Variants in ARMC9 observed in about 807,000 individuals in gnomAD.
ARMC9 encodes armadillo repeat containing 9.
In ARMC9, 94 loss-of-function variants were observed where a neutral mutation model predicts 107.0. The observed-to-expected ratio is 0.88, with a 90% CI of 0.74 to 1.04. The LOEUF is 1.04. ARMC9 is among the 50% of genes least tolerant of loss of function. The pLI is 0.00. For synonymous variants in ARMC9, 380 were observed against 396.9 expected, an observed-to-expected ratio of 0.96 and a Z score of 0.51; for missense variants, 942 against 1,030.1, an observed-to-expected ratio of 0.91 and a Z score of 1.17.
chr2:231,283,887 C>T, intron 17 of ARMC9, among the ~76,000 whole-genome samples: 1 of 152,166 alleles, frequency 6.6e-6, no homozygotes. Flanking sequence ...TGTGCGCCAT[C>T]ACACCTAGCT....
At chr2:231,245,344 G>A (rs1333187516) in intron 9 of ARMC9, among the ~76,000 whole-genome samples, 2 of 152,304 alleles carry the variant, frequency 1.3e-5, no homozygotes, top group African/African-American at 4.8e-5. Flanking sequence ...CGCAAGTCAC[G>A]CGGGTGTGTT....
intron 9 of ARMC9, 99 bp downstream of exon 9, chr2:231,240,140 G>A: frequency 9.6e-7 from 1 of 1,036,692 alleles, no homozygotes. Context: ...ACATGCAAGA[G>A]GCTGCATTTA....
intron 12 of ARMC9, among the ~76,000 whole-genome samples, chr2:231,270,032 T>C (rs2039189381): frequency 6.6e-6 from 1 of 152,088 alleles, no homozygotes; most frequent in South Asian, 2.1e-4. Context: ...CAGGGGGATC[T>C]GGGTGGGCCG....
At chr2:231,200,352 T>C (rs1034329543) in intron 1 of ARMC9, among the ~76,000 whole-genome samples, 4 of 152,338 alleles carry the variant, frequency 2.6e-5, no homozygotes, top group South Asian at 4.1e-4. Flanking sequence ...TCTGGGGATA[T>C]GAAGTTGAAA....
intron 11 of ARMC9, among the ~76,000 whole-genome samples, chr2:231,259,846 AT>A (rs1310580379): frequency 3.3e-5 from 5 of 152,090 alleles, no homozygotes; most frequent in African/African-American, 1.2e-4. Flanking sequence ...TACAAAAAAA[AT>A]TAGCCAGGCA....
chr2:231,315,108 G>A (rs540966070), intron 19 of ARMC9, among the ~76,000 whole-genome samples: 4 of 151,822 alleles, frequency 2.6e-5, no homozygotes, highest in Non-Finnish European at 5.9e-5. Context: ...GTGTGGTGGT[G>A]CATGCCTGTA....
chr2:231,200,957 G>A (rs1182363499), intron 1 of ARMC9, among the ~76,000 whole-genome samples: 1 of 152,176 alleles, frequency 6.6e-6, no homozygotes, highest in East Asian at 1.9e-4. Flanking sequence ...TTGCCTGGGG[G>A]GGCAGAGCAT....
chr2:231,346,414 G>A (rs113544073), intron 21 of ARMC9, among the ~76,000 whole-genome samples: 2 of 152,120 alleles, frequency 1.3e-5, no homozygotes, highest in East Asian at 1.9e-4. Flanking sequence ...CCAGCTACTC[G>A]GGAGGCTGAG....
At chr2:231,326,675 T>C (rs74887880) in intron 19 of ARMC9, among the ~76,000 whole-genome samples, 4,143 of 152,234 alleles carry the variant, frequency 0.027, 117 homozygotes, top group African/African-American at 0.077. Flanking sequence ...AGCATCACAT[T>C]TCAAGGCCCA....
intron 16 of ARMC9, among the ~76,000 whole-genome samples, chr2:231,278,954 T>G (rs2039986934): frequency 6.6e-6 from 1 of 152,274 alleles, no homozygotes; most frequent in Admixed American, 6.5e-5. Flanking sequence ...GTGTCACTAC[T>G]GCAAAATAGC....
chr2:231,368,643 G>C (rs1188978510), intron 23 of ARMC9, among the ~76,000 whole-genome samples: 1 of 152,134 alleles, frequency 6.6e-6, no homozygotes, highest in Non-Finnish European at 1.5e-5. Context: ...TTTATTTTTT[G>C]AGACAGGGTC....
At chr2:231,248,163 C>T (rs916147440) in intron 9 of ARMC9, among the ~76,000 whole-genome samples, 6 of 152,286 alleles carry the variant, frequency 3.9e-5, no homozygotes, top group South Asian at 4.1e-4. Context: ...ACCTGGGAAG[C>T]GTCTGAGGTT....
intron 12 of ARMC9, among the ~76,000 whole-genome samples, chr2:231,266,973 T>C (rs1403109297): frequency 1.3e-5 from 2 of 152,230 alleles, no homozygotes; most frequent in East Asian, 3.8e-4. Context: ...CATAATACAG[T>C]GTTTGCTTTT....
At chr2:231,216,489 A>G (rs2033514595) in intron 4 of ARMC9, 149 bp from the exon 5 acceptor site, 4 of 836,910 alleles carry the variant, frequency 4.8e-6, no homozygotes, top group Admixed American at 4.9e-5. Context: ...GGTGGATGGT[A>G]GAATTCTAGA....
In ARMC9 at chr2:231,297,172, A is replaced by G. The variant is rs1224643868; in HGVS notation, c.1773+919A>G. Reference sequence around the variant, plus strand: ...AAGATCTGCTGGGAGATGCTTCCTCAGCAGGCGGCCTCTGTGGCTGCCGTT... The same window carrying G: ...AAGATCTGCTGGGAGATGCTTCCTCGGCAGGCGGCCTCTGTGGCTGCCGTT... On this transcript the variant is annotated intron_variant, in intron 19 of 24. Transcript: ENST00000611582. The surrounding 1 kb of genome is among the most constrained non-coding windows in gnomAD (Gnocchi z 4.2). Among the ~76,000 whole-genome samples, 1 of 152,220 alleles carries G rather than the reference A, an allele frequency of 6.6e-6. No individual in the cohort carries two copies. The highest frequency in any genetic ancestry group is 2.4e-5 in the African/African-American group (1 of 41,464).
At position 231,362,702 on chromosome 2, in the gene ARMC9, G is replaced by A. The variant is rs908291632; in HGVS notation, c.2261+1819G>A. The stretch of plus-strand genomic sequence containing the variant: ...TTCCTCTTCCTCCCTCACTGGCAAC[G>A]TCATCTAGAATATTTCGGCATTCTA... On this transcript the variant is annotated intron_variant, in intron 23 of 24. Transcript: ENST00000611582. This position sits in a 1 kb window ranked among gnomAD's most constrained non-coding sequence, Gnocchi z 4.7. The A allele has an allele frequency of 2.6e-5, 4 of 152,448 alleles. No homozygotes were observed. Among genetic ancestry groups the A allele is most frequent in the African/African-American group, 7.3e-5 (3 of 40,862 alleles). 9.4% of individuals were successfully genotyped at this position (152,448 alleles called of 1,614,324 possible).
rs143527008 is a variant in ARMC9, at chr2:231,351,740, C to A, written c.1995-4058C>A. ...TATTTACATACCATAATTTATATAG[C>A]CATGCTGCCATTTCTGACATTCGTT... On this transcript the variant is annotated intron_variant, in intron 21 of 24. Coordinates refer to ENST00000611582, the MANE Select transcript of ARMC9 (RefSeq NM_001352754.2). 1.1e-3 allele frequency among the ~76,000 whole-genome samples: 168 copies of A among 152,116 alleles called. 1 individual carries two copies. Among genetic ancestry groups the A allele is most frequent in the African/African-American group, 3.7e-3 (155 of 41,512 alleles).
At chr2:231,273,967 G>A (rs554738058) in intron 14 of ARMC9, among the ~76,000 whole-genome samples, 3 of 152,202 alleles carry the variant, frequency 2.0e-5, no homozygotes, top group East Asian at 3.9e-4. Context: ...TGTACTGGAC[G>A]TTTCATATAA....
chr2:231,315,518 A>G (rs1215887075), intron 19 of ARMC9, among the ~76,000 whole-genome samples: 1 of 152,068 alleles, frequency 6.6e-6, no homozygotes, highest in Non-Finnish European at 1.5e-5. Flanking sequence ...CAGCCTGGGC[A>G]ACAGAGCAAG....
Sources: gnomAD v4.1 joint callset for allele counts (sites outside exome capture counted in the v4.1 genomes callset) on GRCh38, gnomAD v4.1.1 for gene constraint, Gnocchi (gnomAD v3.1) non-coding constraint, MANE v1.5 for transcripts, NCBI Gene and HGNC (gene_info 2026-07-23, HGNC 2026-07-21) for gene names.